The following FBXO17 variants were observed in gnomAD, a reference collection of about 807,000 sequenced individuals.
The protein encoded by FBXO17 is F-box only protein 17.
A neutral mutation model predicts 34.1 loss-of-function variants in FBXO17; 43 were observed. The observed-to-expected ratio is 1.26, with a 90% CI of 0.99 to 1.62. The LOEUF (loss-of-function observed/expected upper bound fraction) is 1.62, where lower values mean the gene tolerates loss of function less well. Ranked by LOEUF, FBXO17 falls within the 40% of genes most tolerant of loss-of-function variation. The probability of loss-of-function intolerance (pLI) is 0.00; values close to 1 mark genes in which losing one functional copy is unlikely to be tolerated. For missense variants in FBXO17, 424 were observed against 386.7 expected (o/e 1.10, Z -0.81); for synonymous variants, 169 against 166.0 (o/e 1.02, Z -0.14).
chr19:38,951,235 C>T (rs1204483849), intron 1 of FBXO17, among the ~76,000 whole-genome samples: 5 of 151,854 alleles, frequency 3.3e-5, no homozygotes, highest in East Asian at 1.9e-4. Flanking sequence ...GAGCTAGAAA[C>T]CAGGACTATA....
intron 2 of FBXO17, 168 bp downstream of exon 2, chr19:38,949,803 C>T (rs916864543): frequency 1.2e-6 from 1 of 845,864 alleles, no homozygotes; most frequent in Non-Finnish European, 1.7e-6. Context: ...CCTTCTCCAG[C>T]CCCGCCCACC....
rs113778086 is a variant in FBXO17, at chr19:38,961,282, C to CTT, written c.-17-10948_-17-10947dup. On this transcript the variant is annotated intron_variant, in intron 1 of 5. Transcript: ENST00000292852. ...AATTTTATTTCAATTGATTTTAAAT[C>CTT]TTTTTTTTTTTGAGATGGCGTCTTA... is the stretch of plus-strand genomic sequence containing the variant. 4.9e-5 allele frequency among the ~76,000 whole-genome samples: 7 copies of CTT among 142,490 alleles called. 1 individual carries two copies. The highest frequency in any genetic ancestry group is 7.1e-5 in the Admixed American group (1 of 14,092). 93.5% of individuals were successfully genotyped at this position (142,490 alleles called of 152,430 possible). A position where few individuals can be genotyped will look rare whatever the true frequency, so the allele number is the denominator to read the frequency against.
intron 1 of FBXO17, among the ~76,000 whole-genome samples, chr19:38,974,020 A>G (rs576065680): frequency 9.5e-4 from 121 of 127,464 alleles, no homozygotes; most frequent in South Asian, 2.6e-3. Flanking sequence ...ATATATGTGT[A>G]TATATATATA....
intron 1 of FBXO17, among the ~76,000 whole-genome samples, chr19:38,961,054 C>T (rs947520585): frequency 1.3e-5 from 2 of 152,026 alleles, no homozygotes; most frequent in Non-Finnish European, 2.9e-5. Context: ...GTGATCCTCC[C>T]GCCTTGGCCT....
intron 1 of FBXO17, among the ~76,000 whole-genome samples, chr19:38,950,955 C>T (rs1374153785): frequency 6.6e-6 from 1 of 151,974 alleles, no homozygotes; most frequent in Non-Finnish European, 1.5e-5. Context: ...CCACGCCCGG[C>T]TAATTTTTGT....
In FBXO17 at chr19:38,942,415, C is replaced by A. The variant is rs1974901882; in HGVS notation, c.*193G>T. The A allele has an allele frequency of 2.0e-6, 1 of 496,216 alleles. No individual in the cohort carries two copies. Among genetic ancestry groups the A allele is most frequent in the South Asian group, 4.2e-5 (1 of 23,994 alleles). The allele number at this position is 496,216 out of a possible 1,614,324, so 30.7% of individuals were successfully genotyped here. On this transcript the variant is annotated 3_prime_UTR_variant, in exon 6 of 6. Transcript: ENST00000292852. ...TAGCTGGGACTACAGGCGGCACCAC[C>A]ATGCCTGGCTAATTTTTTAAAAATT...
At chr19:38,954,351 C>A (rs1162984729) in intron 1 of FBXO17, among the ~76,000 whole-genome samples, 1 of 151,858 alleles carries the variant, frequency 6.6e-6, no homozygotes, top group African/African-American at 2.4e-5. Context: ...CTCACTGCAA[C>A]CTCCACCTCC....
At chr19:38,949,936 C>G in intron 2 of FBXO17, 35 bp downstream of exon 2, 2 of 1,481,582 alleles carry the variant, frequency 1.3e-6, no homozygotes, top group Middle Eastern at 1.8e-4. Context: ...CGCGCGGCCC[C>G]CCTCAGCCTC....
chr19:38,967,198 C>A (rs1975332327), intron 1 of FBXO17, among the ~76,000 whole-genome samples: 1 of 152,222 alleles, frequency 6.6e-6, no homozygotes, highest in African/African-American at 2.4e-5. Flanking sequence ...TGGCTCACGC[C>A]TGTAATCCCA....
intron 1 of FBXO17, among the ~76,000 whole-genome samples, chr19:38,960,448 G>A (rs1485353767): frequency 1.3e-5 from 2 of 152,022 alleles, no homozygotes; most frequent in Non-Finnish European, 2.9e-5. Flanking sequence ...AACAGCTGGC[G>A]CTCCTTAGAC....
chr19:38,971,266 G>C (rs1160070608), intron 1 of FBXO17, among the ~76,000 whole-genome samples: 1 of 152,038 alleles, frequency 6.6e-6, no homozygotes, highest in African/African-American at 2.4e-5. Context: ...ACTGTGAGGA[G>C]TTACTATGAT....
intron 1 of FBXO17, among the ~76,000 whole-genome samples, chr19:38,961,314 C>T (rs1201114648): frequency 7.0e-6 from 1 of 141,880 alleles, no homozygotes; most frequent in Non-Finnish European, 1.5e-5. Context: ...CTTACTCTGT[C>T]ACCCAGGCTG....
chr19:38,964,555 G>A (rs1443091236), intron 1 of FBXO17, among the ~76,000 whole-genome samples: 1 of 152,088 alleles, frequency 6.6e-6, no homozygotes, highest in Non-Finnish European at 1.5e-5. Context: ...GATTGCTTGA[G>A]GCCAGGAGTT....
chr19:38,952,883 C>CA, intron 1 of FBXO17: 1 of 456,312 alleles, frequency 2.2e-6, no homozygotes, highest in African/African-American at 2.0e-5. Flanking sequence ...TCCAGTGCCC[C>CA]ACTCGCATGA....
chr19:38,948,531 C>A (rs1975020664), intron 3 of FBXO17, 36 bp downstream of exon 3: 3 of 1,562,340 alleles, frequency 1.9e-6, no homozygotes, highest in Non-Finnish European at 2.6e-6. Flanking sequence ...GGGGCCTTTG[C>A]CCCAGGGATC....
chr19:38,943,255 T>A (rs1221027418), intron 5 of FBXO17, among the ~76,000 whole-genome samples: 1 of 151,878 alleles, frequency 6.6e-6, no homozygotes, highest in Admixed American at 6.6e-5. Context: ...AGATAAAATT[T>A]TCGTAAAACA....
intron 1 of FBXO17, among the ~76,000 whole-genome samples, chr19:38,951,986 T>C (rs767773456): frequency 2.6e-5 from 4 of 151,120 alleles, no homozygotes; most frequent in Admixed American, 6.6e-5. Context: ...AGTCTTACTC[T>C]GTTGCCCAGG....
chr19:38,950,473 C>T lies in FBXO17; in HGVS notation c.-17-137G>A, dbSNP rs1975067058. On this transcript the variant is annotated intron_variant, in intron 1 of 5. Transcript: ENST00000292852. ...TGGGCAACCAGGGACCCATTTCCCT[C>T]TCTGATCCTAGGCCTTTCCCAATCT... The T allele has an allele frequency of 4.9e-6, 6 of 1,228,216 alleles. No homozygotes were observed. In the East Asian group the frequency reaches 1.9e-4, roughly 38 times the overall value. 76.1% of individuals were successfully genotyped at this position (1,228,216 alleles called of 1,614,324 possible).
intron 1 of FBXO17, among the ~76,000 whole-genome samples, chr19:38,958,943 G>A (rs765130752): frequency 6.6e-6 from 1 of 151,960 alleles, no homozygotes; most frequent in African/African-American, 2.4e-5. Flanking sequence ...TCACTCTGTC[G>A]CCTGGTTGGA....
Sources: allele counts gnomAD v4.1 joint callset (sites outside exome capture counted in the v4.1 genomes callset), GRCh38; gene constraint gnomAD v4.1.1; transcripts MANE v1.5; gene names NCBI Gene and HGNC (gene_info 2026-07-23, HGNC 2026-07-21).